VPS13A: variants seen among roughly 807,000 people sequenced by gnomAD.
The protein encoded by VPS13A is vacuolar protein sorting 13 homolog A, also known as intermembrane lipid transfer protein VPS13A.
Under a neutral mutation model 390.9 loss-of-function variants are expected in VPS13A, and 264 were observed. The observed-to-expected ratio is 0.68, with a 90% CI of 0.61 to 0.75. The LOEUF (loss-of-function observed/expected upper bound fraction) is 0.75, where lower values mean the gene tolerates loss of function less well. Ranked by LOEUF, VPS13A falls within the 30% of genes least tolerant of loss-of-function variation. The pLI is 0.00. For missense variants in VPS13A, 3,409 were observed against 3,733.9 expected (o/e 0.91, Z 2.27); for synonymous variants, 1,231 against 1,227.1 (o/e 1.00, Z -0.07).
chr9:77,409,465 T>G (rs1456370222), intron 71 of VPS13A, among the ~76,000 whole-genome samples: 1 of 152,034 alleles, frequency 6.6e-6, no homozygotes, highest in Non-Finnish European at 1.5e-5. Context: ...CTTTGACAAG[T>G]TGAGAGAAGA....
intron 13 of VPS13A, 25 bp from the exon 14 acceptor site, chr9:77,225,901 A>G: frequency 6.4e-6 from 10 of 1,567,492 alleles, no homozygotes; most frequent in Non-Finnish European, 8.8e-6. Context: ...TGTAAAGTTA[A>G]CACATTTTTG....
At chr9:77,300,075 C>T (rs1270959591) in intron 33 of VPS13A, among the ~76,000 whole-genome samples, 3 of 152,076 alleles carry the variant, frequency 2.0e-5, no homozygotes, top group Admixed American at 2.0e-4. Flanking sequence ...ACATGTATCC[C>T]AGAACTAGTA....
chr9:77,190,319 A>T (rs1454857477), intron 1 of VPS13A, among the ~76,000 whole-genome samples: 3 of 152,130 alleles, frequency 2.0e-5, no homozygotes, highest in Non-Finnish European at 2.9e-5. Context: ...GTTGAATTTT[A>T]TCAAAAGTCC....
intron 68 of VPS13A, among the ~76,000 whole-genome samples, chr9:77,399,914 GTAATA>G (rs1377421880): frequency 7.9e-5 from 12 of 152,030 alleles, no homozygotes; most frequent in African/African-American, 2.7e-4. Flanking sequence ...ACATTCTCTT[GTAATA>G]TAATTTTATT....
At position 77,367,755 on chromosome 9, in the gene VPS13A, C is replaced by G. The variant is rs10491842; in HGVS notation, c.8472-300C>G. 0.07 allele frequency among the ~76,000 whole-genome samples: 10,625 copies of G among 152,166 alleles called. 483 individuals carry two copies. Among genetic ancestry groups the G allele is most frequent in the South Asian group, 0.13 (648 of 4,824 alleles). On this transcript the variant is annotated intron_variant, in intron 61 of 71. Coordinates refer to ENST00000360280, the MANE Select transcript of VPS13A (RefSeq NM_033305.3). The stretch of plus-strand genomic sequence containing the variant: ...TAGGACAGAATTGGGAAATAAAGTT[C>G]TAGTGGTACATGAATGGGATTCACA...
At chr9:77,407,427 A>G in intron 70 of VPS13A, 106 bp from the exon 71 acceptor site, 3 of 889,582 alleles carry the variant, frequency 3.4e-6, no homozygotes, top group South Asian at 1.4e-5. Context: ...CATGATTTGT[A>G]TAAGAGGGAC....
chr9:77,345,243 G>T, intron 52 of VPS13A, 101 bp downstream of exon 52: 2 of 1,267,658 alleles, frequency 1.6e-6, no homozygotes, highest in Non-Finnish European at 2.3e-6. Context: ...ACTGATAATA[G>T]CATTGTAGCT....
chr9:77,262,331 C>T (rs1327046097), intron 23 of VPS13A, among the ~76,000 whole-genome samples: 1 of 151,960 alleles, frequency 6.6e-6, no homozygotes, highest in Non-Finnish European at 1.5e-5. Context: ...ATTCACATTT[C>T]CCTCCATTTT....
intron 1 of VPS13A, among the ~76,000 whole-genome samples, chr9:77,187,107 G>A (rs1419611225): frequency 1.3e-5 from 2 of 152,158 alleles, no homozygotes; most frequent in South Asian, 2.1e-4. Context: ...TGTATATACT[G>A]CATTTTGTTT....
Position 77,238,028 on chromosome 9 carries a change from A to T in VPS13A, c.1622A>T (p.His541Leu). 6.2e-7 allele frequency: 1 copy of T among 1,612,206 alleles called. No individual in the cohort carries two copies. Among genetic ancestry groups the T allele is most frequent in the South Asian group, 1.1e-5 (1 of 90,786 alleles). ...TTTGAAACTAAAATAGATTCATTTC[A>T]TATTACTGGCTTACCAGATAATTCA... The part of the protein sequence containing the change: ...IKFETKIDSF[H>L]ITGLPDNSEK... Residue 541 changes from histidine to leucine, a missense_variant, in exon 18 of 72, where the codon CAT (histidine) becomes CTT (leucine). Physicochemically the swap from His to Leu is moderately conservative, Grantham distance 99 (BLOSUM62 -3). Transcript: ENST00000360280.
intron 1 of VPS13A, among the ~76,000 whole-genome samples, chr9:77,187,641 A>C (rs554943894): frequency 3.3e-5 from 5 of 151,800 alleles, no homozygotes; most frequent in African/African-American, 1.2e-4. Context: ...ACACAATGTT[A>C]GCTGCTTATC....
chr9:77,183,043 C>T (rs1203181172), intron 1 of VPS13A, among the ~76,000 whole-genome samples: 3 of 152,100 alleles, frequency 2.0e-5, no homozygotes, highest in African/African-American at 7.2e-5. Context: ...TGTTAATGAC[C>T]AATTCTAATT....
chr9:77,371,439 A>C (rs1348445381), intron 67 of VPS13A, among the ~76,000 whole-genome samples: 1 of 152,136 alleles, frequency 6.6e-6, no homozygotes, highest in African/African-American at 2.4e-5. Context: ...AAAGGGAACC[A>C]AAGTCACCCT....
chr9:77,217,512 T>A (rs1459888193), intron 10 of VPS13A, among the ~76,000 whole-genome samples: 2 of 152,188 alleles, frequency 1.3e-5, no homozygotes, highest in Non-Finnish European at 2.9e-5. Context: ...ATGCTCTATG[T>A]CCATATATAC....
chr9:77,311,038 C>T (rs904054823), intron 35 of VPS13A, among the ~76,000 whole-genome samples: 1 of 151,970 alleles, frequency 6.6e-6, no homozygotes, highest in Non-Finnish European at 1.5e-5. Flanking sequence ...CATTCTCCTG[C>T]CTCAGCCTCC....
rs147574590 is a variant in VPS13A at position 77,328,810 on chromosome 9, T to C, written c.5992-3200T>C. ...TTATAGCTGGTTTGATCTTCTATCC[T>C]GTATTAGGCCGTTTTCATACTGCTG... On this transcript the variant is annotated intron_variant, in intron 45 of 71. Transcript: ENST00000360280. 1.5e-3 allele frequency among the ~76,000 whole-genome samples: 231 copies of C among 152,338 alleles called. 1 individual carries two copies. The highest frequency in any genetic ancestry group is 5.3e-3 in the African/African-American group (222 of 41,590).
At chr9:77,225,287 T>C (rs1363518970) in intron 13 of VPS13A, among the ~76,000 whole-genome samples, 1 of 152,212 alleles carries the variant, frequency 6.6e-6, no homozygotes, top group African/African-American at 2.4e-5. Flanking sequence ...AGATTTTTTT[T>C]GAGACAGAGT....
intron 34 of VPS13A, among the ~76,000 whole-genome samples, chr9:77,304,795 A>T (rs565612998): frequency 6.6e-6 from 1 of 152,302 alleles, no homozygotes; most frequent in Admixed American, 6.5e-5. Flanking sequence ...TGCTGAAGTG[A>T]TAGCAACATA....
chr9:77,321,003 A>T (rs1267810251), intron 42 of VPS13A, among the ~76,000 whole-genome samples, 166 bp from the exon 43 acceptor site: 1 of 151,998 alleles, frequency 6.6e-6, no homozygotes, highest in Non-Finnish European at 1.5e-5. Context: ...TCTGTCCTTT[A>T]TGACCTTAGT....
Sources: gnomAD v4.1 joint callset for allele counts (sites outside exome capture counted in the v4.1 genomes callset) on GRCh38, gnomAD v4.1.1 for gene constraint, MANE v1.5 for transcripts, NCBI Gene and HGNC (gene_info 2026-07-23, HGNC 2026-07-21) for gene names.